PDE4D: variants seen among roughly 807,000 people sequenced by gnomAD.
PDE4D encodes 3',5'-cyclic-AMP phosphodiesterase 4D.
Under a neutral mutation model 87.4 loss-of-function variants are expected in PDE4D, and 24 were observed. The ratio of observed to expected loss-of-function variants is 0.27; its 90% confidence interval spans 0.20 to 0.39. PDE4D has a LOEUF of 0.39. Among genes scored for constraint, PDE4D ranks in the 10% least tolerant of loss-of-function variants. The pLI is 1.00. For synonymous variants in PDE4D, 384 were observed against 383.2 expected (o/e 1.00, Z -0.02); for missense variants, 714 against 1,041.0 (o/e 0.69, Z 4.32).
At chr5:59,232,407 A>G (rs1429375450) in intron 1 of PDE4D, among the ~76,000 whole-genome samples, 58 of 152,100 alleles carry the variant, frequency 3.8e-4, no homozygotes, top group Admixed American at 3.8e-3. Context: ...ATGTAAAATG[A>G]CCAACAGGTA....
intron 1 of PDE4D, among the ~76,000 whole-genome samples, chr5:59,802,649 G>A (rs893738181): frequency 6.6e-6 from 1 of 151,848 alleles, no homozygotes; most frequent in Non-Finnish European, 1.5e-5. Context: ...TGCCTGCCTC[G>A]GCCTCCCAAA....
At chr5:60,263,284 T>G (rs1411353430) in intron 1 of PDE4D, among the ~76,000 whole-genome samples, 2 of 152,226 alleles carry the variant, frequency 1.3e-5, no homozygotes, top group Non-Finnish European at 2.9e-5. Context: ...AACTAAGACA[T>G]TTTAAAATAA....
rs1759194896 is a variant in PDE4D, at chr5:59,039,355, C to T, written c.809-384G>A. 6 of 1,030,450 alleles carry T rather than the reference C, an allele frequency of 5.8e-6. No homozygotes were observed. The South Asian group carries it at 1.0e-4, about 17-fold the overall frequency. The allele number at this position is 1,030,450 out of a possible 1,614,324, so 63.8% of individuals were successfully genotyped here. A position where few individuals can be genotyped will look rare whatever the true frequency, so the allele number is the denominator to read the frequency against. On this transcript the variant is annotated intron_variant, in intron 5 of 14. Coordinates refer to ENST00000340635, the MANE Select transcript of PDE4D (RefSeq NM_001104631.2). ...GCGGATGGCGAGGGGGTGGCGAGCGCGCTTGGGTGCCCGCCCCGCAGAGGA... is the reference window on the plus strand; with the variant it reads ...GCGGATGGCGAGGGGGTGGCGAGCGTGCTTGGGTGCCCGCCCCGCAGAGGA...
At chr5:59,253,005 A>C (rs1760276931) in intron 1 of PDE4D, among the ~76,000 whole-genome samples, 3 of 152,168 alleles carry the variant, frequency 2.0e-5, no homozygotes, top group Admixed American at 6.5e-5. Flanking sequence ...TTAGCATTGC[A>C]ATTAGATCAT....
At chr5:60,439,389 A>G (rs998274371) in intron 1 of PDE4D, among the ~76,000 whole-genome samples, 3 of 152,070 alleles carry the variant, frequency 2.0e-5, no homozygotes, top group Non-Finnish European at 4.4e-5. Flanking sequence ...CTTCTCCATG[A>G]AGCTATCCTC....
At chr5:60,044,313 A>G (rs191970694) in intron 2 of PDE4D, among the ~76,000 whole-genome samples, 18 of 152,242 alleles carry the variant, frequency 1.2e-4, no homozygotes, top group Admixed American at 3.9e-4. Context: ...ACAATTTTTT[A>G]AAAGATCCTG....
At chr5:59,468,382 A>G (rs941828362) in intron 1 of PDE4D, among the ~76,000 whole-genome samples, 4 of 152,146 alleles carry the variant, frequency 2.6e-5, no homozygotes, top group Admixed American at 1.3e-4. Flanking sequence ...GTTCTACATC[A>G]GGCAGCTGCA....
At position 59,131,604 on chromosome 5, in the gene PDE4D, ACACACACACAC is replaced by A. The variant is rs1561538919; in HGVS notation, c.808+48980_808+48990del. Among the ~76,000 whole-genome samples, 115 of 77,930 alleles carry A rather than the reference ACACACACACAC, an allele frequency of 1.5e-3. 1 individual carries two copies. The South Asian group carries it at 0.017, about 12-fold the overall frequency. 51.1% of individuals were successfully genotyped at this position (77,930 alleles called of 152,430 possible). ...ATAATAAGGCCAATTTAAAACACAC[ACACACACACAC>A]ACACACACACACACACACACACACA... is the stretch of plus-strand genomic sequence containing the variant. On this transcript the variant is annotated intron_variant, in intron 5 of 14. Coordinates refer to ENST00000340635, the MANE Select transcript of PDE4D (RefSeq NM_001104631.2).
At chr5:60,481,912 T>G (rs181957138) in intron 1 of PDE4D, among the ~76,000 whole-genome samples, 50 of 152,328 alleles carry the variant, frequency 3.3e-4, no homozygotes, top group African/African-American at 1.1e-3. Context: ...TATTATAATT[T>G]TTTTCATTAC....
chr5:59,408,791 G>A (rs6869945), intron 1 of PDE4D, among the ~76,000 whole-genome samples: 10,312 of 152,242 alleles, frequency 0.068, 952 homozygotes, highest in African/African-American at 0.21. Context: ...TGACTGTCCT[G>A]TTGTGTTTCA....
chr5:60,376,487 C>T (rs1761444526), intron 1 of PDE4D, among the ~76,000 whole-genome samples: 1 of 152,176 alleles, frequency 6.6e-6, no homozygotes, highest in Admixed American at 6.5e-5. Flanking sequence ...CTCCAGGCCT[C>T]CTAACGCATC....
intron 5 of PDE4D, among the ~76,000 whole-genome samples, chr5:59,125,690 G>A (rs936441527): frequency 2.0e-5 from 3 of 152,196 alleles, no homozygotes; most frequent in Non-Finnish European, 2.9e-5. Flanking sequence ...GATCTGGACA[G>A]AGAGCAATTC....
intron 5 of PDE4D, among the ~76,000 whole-genome samples, chr5:59,079,182 A>G (rs1292487722): frequency 6.6e-6 from 1 of 152,346 alleles, no homozygotes. Flanking sequence ...CAAGAAAGAC[A>G]GCAAGACTAA....
At chr5:59,033,487 C>G (rs923609825) in intron 6 of PDE4D, among the ~76,000 whole-genome samples, 1 of 152,162 alleles carries the variant, frequency 6.6e-6, no homozygotes, top group African/African-American at 2.4e-5. Flanking sequence ...GTTGGTCCCT[C>G]CTGCTGAAAA....
At chr5:60,140,898 T>TG (rs1780475662) in intron 2 of PDE4D, among the ~76,000 whole-genome samples, 2 of 152,290 alleles carry the variant, frequency 1.3e-5, no homozygotes, top group Admixed American at 1.3e-4. Context: ...AACTCACTCA[T>TG]GTGGGCTTAG....
chr5:59,040,997 A>G (rs992127250), intron 5 of PDE4D, among the ~76,000 whole-genome samples: 1 of 152,090 alleles, frequency 6.6e-6, no homozygotes, highest in African/African-American at 2.4e-5. Context: ...TACTTGAACT[A>G]TTTACTGTTC....
At chr5:60,492,752 G>T (rs1414111691), upstream of PDE4D, among the ~76,000 whole-genome samples, 2 of 152,084 alleles carry the variant, frequency 1.3e-5, no homozygotes, top group Admixed American at 1.3e-4. Context: ...GTGGGTAGGG[G>T]GCTGAGGGAG....
intron 1 of PDE4D, among the ~76,000 whole-genome samples, chr5:59,409,913 T>G (rs1237350153): frequency 3.3e-5 from 5 of 152,170 alleles, no homozygotes; most frequent in Non-Finnish European, 7.4e-5. Context: ...TTCTTCTTGG[T>G]TATTTTTATT....
intron 1 of PDE4D, among the ~76,000 whole-genome samples, chr5:59,457,993 C>T (rs535665837): frequency 9.2e-5 from 14 of 152,194 alleles, no homozygotes; most frequent in African/African-American, 2.9e-4. Context: ...AAATGTGAAC[C>T]GTTAATGTGA....
Sources: gnomAD v4.1 joint callset for allele counts (sites outside exome capture counted in the v4.1 genomes callset) on GRCh38, gnomAD v4.1.1 for gene constraint, MANE v1.5 for transcripts, NCBI Gene and HGNC (gene_info 2026-07-23, HGNC 2026-07-21) for gene names.